DYNC1I1: variants seen among roughly 807,000 people sequenced by gnomAD.
DYNC1I1 encodes the protein dynein cytoplasmic 1 intermediate chain 1, also known as cytoplasmic dynein 1 intermediate chain 1.
A neutral mutation model predicts 86.6 loss-of-function variants in DYNC1I1; 43 were observed. That is an observed-to-expected ratio of 0.50 (90% confidence interval 0.39 to 0.64). The LOEUF (loss-of-function observed/expected upper bound fraction) is 0.64, where lower values mean the gene tolerates loss of function less well. Ranked by LOEUF, DYNC1I1 falls within the 30% of genes least tolerant of loss-of-function variation. The pLI, the probability that DYNC1I1 is intolerant of heterozygous loss-of-function variation, is 0.00. For synonymous variants in DYNC1I1, 262 were observed against 283.7 expected (o/e 0.92, Z 0.77); for missense variants, 604 against 788.8 (o/e 0.77, Z 2.81).
At chr7:96,028,406 C>T in intron 11 of DYNC1I1, 85 bp downstream of exon 11, 1 of 1,497,582 alleles carries the variant, frequency 6.7e-7, no homozygotes, top group Non-Finnish European at 9.0e-7. Flanking sequence ...TGGATGTTTT[C>T]AGTAATGCCA....
At chr7:96,029,281 C>A (rs890419317) in intron 11 of DYNC1I1, among the ~76,000 whole-genome samples, 63 of 152,134 alleles carry the variant, frequency 4.1e-4, no homozygotes, top group African/African-American at 1.5e-3. Flanking sequence ...GAAACTAGTT[C>A]TTGGGAATCT....
At chr7:96,053,867 T>C (rs1179270958) in intron 14 of DYNC1I1, among the ~76,000 whole-genome samples, 1 of 152,212 alleles carries the variant, frequency 6.6e-6, no homozygotes, top group Non-Finnish European at 1.5e-5. Flanking sequence ...ATTACTACTT[T>C]ATCAACATGG....
rs558722752 is a variant in DYNC1I1 at position 96,019,903 on chromosome 7, A to G, written c.970-8272A>G. Among the ~76,000 whole-genome samples the G allele has an allele frequency of 7.9e-5, 12 of 152,190 alleles. No homozygotes were observed. The East Asian group carries it at 2.3e-3, about 29-fold the overall frequency. On this transcript the variant is annotated intron_variant, in intron 10 of 16. Transcript: ENST00000447467. ...TCAGGAGGTAGTAATTTCTAATTCT[A>G]TATGGGAATATATTGTTTATCTGTC...
In DYNC1I1 at chr7:96,023,846, A is replaced by G. The variant is rs77564070; in HGVS notation, c.970-4329A>G. ...TTCTCAGGAGCCTCTGGGCTAAGGC[A>G]TCTGCTAAAAACATTGGAAACTGTC... On this transcript the variant is annotated intron_variant, in intron 10 of 16. Coordinates refer to ENST00000447467, the MANE Select transcript of DYNC1I1 (RefSeq NM_001135556.2). Among the ~76,000 whole-genome samples the G allele has an allele frequency of 2.8e-3, 427 of 152,330 alleles. 3 individuals carry two copies. Among genetic ancestry groups the G allele is most frequent in the African/African-American group, 9.3e-3 (385 of 41,584 alleles).
Position 95,954,915 on chromosome 7 carries a change from C to CAAAA in DYNC1I1, c.491-22577_491-22574dup, listed in dbSNP as rs58435060. ...TGGGCAACAGAGCAAGACTCTGTCTCAAAAAAAAAAAAAAAAAAAAAAAGA... is the reference window on the plus strand; with the variant it reads ...TGGGCAACAGAGCAAGACTCTGTCTCAAAAAAAAAAAAAAAAAAAAAAAAAAAGA... On this transcript the variant is annotated intron_variant, in intron 6 of 16. Coordinates refer to ENST00000447467, the MANE Select transcript of DYNC1I1 (RefSeq NM_001135556.2). Among the ~76,000 whole-genome samples, 62 of 81,828 alleles carry CAAAA rather than the reference C, an allele frequency of 7.6e-4. 2 individuals are homozygous for CAAAA. The highest frequency in any genetic ancestry group is 2.4e-3 in the African/African-American group (52 of 21,370). 53.7% of individuals were successfully genotyped at this position (81,828 alleles called of 152,430 possible). A position where few individuals can be genotyped will look rare whatever the true frequency, so the allele number is the denominator to read the frequency against.
chr7:96,009,359 AC>A lies in DYNC1I1; in HGVS notation c.969+13289del, dbSNP rs569427169. The stretch of plus-strand genomic sequence containing the variant: ...CCATTAGCATCTGAGGGCTGGCCTC[AC>A]CCACTCCAGAGCAAGCTCCACCACT... On this transcript the variant is annotated intron_variant, in intron 10 of 16. Coordinates refer to ENST00000447467, the MANE Select transcript of DYNC1I1 (RefSeq NM_001135556.2). Among the ~76,000 whole-genome samples, 224 of 152,254 alleles carry A rather than the reference AC, an allele frequency of 1.5e-3. 2 individuals carry two copies. The highest frequency in any genetic ancestry group is 5.0e-3 in the African/African-American group (207 of 41,552).
intron 10 of DYNC1I1, among the ~76,000 whole-genome samples, chr7:96,012,098 C>T (rs1398750411): frequency 2.9e-4 from 44 of 152,236 alleles, no homozygotes; most frequent in South Asian, 2.1e-4. Flanking sequence ...CTTATTGTTA[C>T]ATTTTTTTCA....
intron 10 of DYNC1I1, among the ~76,000 whole-genome samples, chr7:96,008,108 T>G (rs1377418063): frequency 3.3e-5 from 5 of 152,224 alleles, no homozygotes; most frequent in Non-Finnish European, 7.3e-5. Context: ...AAACCCATAT[T>G]CTTAACATAT....
chr7:95,830,061 T>C (rs1462175334), intron 5 of DYNC1I1, among the ~76,000 whole-genome samples: 1 of 152,074 alleles, frequency 6.6e-6, no homozygotes, highest in Non-Finnish European at 1.5e-5. Flanking sequence ...GATGACATTA[T>C]TTTAGCCATT....
chr7:96,059,384 G>A (rs1010033000), intron 14 of DYNC1I1, among the ~76,000 whole-genome samples: 2 of 152,162 alleles, frequency 1.3e-5, no homozygotes, highest in East Asian at 1.9e-4. Flanking sequence ...CAATATGAGA[G>A]CTGAAACAAG....
In DYNC1I1 at chr7:96,076,522, C is replaced by CT. The variant is rs1316474747; in HGVS notation, c.1650+328dup. Among the ~76,000 whole-genome samples, 61 of 152,072 alleles carry CT rather than the reference C, an allele frequency of 4.0e-4. 1 individual carries two copies. Among genetic ancestry groups the CT allele is most frequent in the Non-Finnish European group, 1.5e-5 (1 of 68,034 alleles). Reference sequence around the variant, plus strand: ...ATTTGTCAGAGCCGTGTTGAAATAACTTTATAGGCAAATACTTGGAAAAGA... The same window carrying CT: ...ATTTGTCAGAGCCGTGTTGAAATAACTTTTATAGGCAAATACTTGGAAAAGA... On this transcript the variant is annotated intron_variant, in intron 15 of 16. Coordinates refer to ENST00000447467, the MANE Select transcript of DYNC1I1 (RefSeq NM_001135556.2).
chr7:95,952,502 C>T (rs142458093), intron 6 of DYNC1I1, among the ~76,000 whole-genome samples: 77 of 152,196 alleles, frequency 5.1e-4, no homozygotes, highest in African/African-American at 1.7e-3. Context: ...CCTCCCCATC[C>T]CTTTTATCCC....
At chr7:95,917,289 A>C (rs1328397925) in intron 6 of DYNC1I1, among the ~76,000 whole-genome samples, 1 of 152,020 alleles carries the variant, frequency 6.6e-6, no homozygotes, top group East Asian at 1.9e-4. Flanking sequence ...ATAGACTCAA[A>C]AGCTTTCTCT....
chr7:95,800,500 G>A (rs572410521), intron 1 of DYNC1I1, among the ~76,000 whole-genome samples: 2 of 152,256 alleles, frequency 1.3e-5, no homozygotes, highest in East Asian at 3.9e-4. Context: ...TGGAAAAAGA[G>A]TTCTGAATAT....
chr7:96,032,122 A>G (rs1794826645), intron 11 of DYNC1I1, among the ~76,000 whole-genome samples: 1 of 152,176 alleles, frequency 6.6e-6, no homozygotes, highest in African/African-American at 2.4e-5. Flanking sequence ...CATTGTGCCA[A>G]TAATCTCACC....
intron 5 of DYNC1I1, among the ~76,000 whole-genome samples, chr7:95,829,662 A>T (rs957027611): frequency 3.9e-5 from 6 of 152,084 alleles, no homozygotes; most frequent in African/African-American, 1.2e-4. Flanking sequence ...TCCCATTTAT[A>T]TCTGTTTTCC....
intron 3 of DYNC1I1, 138 bp from the exon 4 acceptor site, chr7:95,813,109 T>TG: frequency 1.5e-6 from 2 of 1,358,534 alleles, no homozygotes; most frequent in Admixed American, 2.7e-5. Context: ...TTTTTTTTTC[T>TG]TTATCCCATC....
chr7:96,102,071 C>A (rs925549836), downstream of DYNC1I1, among the ~76,000 whole-genome samples: 1 of 151,872 alleles, frequency 6.6e-6, no homozygotes, highest in African/African-American at 2.4e-5. Flanking sequence ...GGTGTCATCC[C>A]TAGAACAGAT....
chr7:95,804,715 T>C lies in DYNC1I1; in HGVS notation c.-9-6T>C. The C allele has an allele frequency of 6.3e-7, 1 of 1,575,138 alleles. No individual in the cohort carries two copies. The highest frequency in any genetic ancestry group is 8.6e-7 in the Non-Finnish European group (1 of 1,165,206). On this transcript the variant is annotated splice_region_variant and splice_polypyrimidine_tract_variant and intron_variant, in intron 1 of 16. Transcript: ENST00000447467. ...TATGTTCACTTTTTTTTTCTCTTTCTCCAAGGAAACCAACATGTCTGACAA... is the reference window on the plus strand; with the variant it reads ...TATGTTCACTTTTTTTTTCTCTTTCCCCAAGGAAACCAACATGTCTGACAA...
Sources: allele counts gnomAD v4.1 joint callset (sites outside exome capture counted in the v4.1 genomes callset), GRCh38; gene constraint gnomAD v4.1.1; transcripts MANE v1.5; gene names NCBI Gene and HGNC (gene_info 2026-07-23, HGNC 2026-07-21).